FGFR3: variants seen among roughly 807,000 people sequenced by gnomAD.
FGFR3 encodes FGFR-3.
A neutral mutation model predicts 82.9 loss-of-function variants in FGFR3; 25 were observed. The ratio of observed to expected loss-of-function variants is 0.30; its 90% CI spans 0.22 to 0.42. FGFR3 has a LOEUF of 0.42. Among genes scored for constraint, FGFR3 ranks in the 10% least tolerant of loss-of-function variants. The pLI, the probability that FGFR3 is intolerant of heterozygous loss-of-function variation, is 1.00. For missense variants in FGFR3, 1,026 were observed against 1,161.0 expected, an observed-to-expected ratio of 0.88 and a Z score of 1.69; for synonymous variants, 620 against 516.0, an observed-to-expected ratio of 1.20 and a Z score of -2.73.
Position 1,807,138 on chromosome 4 carries a change from C to T in FGFR3, c.2297C>T (p.Pro766Leu), listed in dbSNP as rs763774428. Residue 766 changes from proline (P) to leucine (L), a missense_variant, in exon 18 of 18, where the codon CCT (proline) becomes CTT (leucine). By Grantham distance (98) the Pro-to-Leu change is moderately conservative. Coordinates refer to ENST00000440486, the MANE Select transcript of FGFR3 (RefSeq NM_000142.5). ...CAGGAGTACCTGGACCTGTCGGCGCCTTTCGAGCAGTACTCCCCGGGTGGC... is the reference window on the plus strand; with the variant it reads ...CAGGAGTACCTGGACCTGTCGGCGCTTTTCGAGCAGTACTCCCCGGGTGGC... ...STDEYLDLSA[P>L]FEQYSPGGQD... is the part of the protein sequence containing the mutation. The T allele has an allele frequency of 3.8e-6, 6 of 1,593,680 alleles. No individual in the cohort carries two copies. The highest frequency in any genetic ancestry group is 3.5e-5 in the Admixed American group (2 of 57,810).
Position 1,805,683 on chromosome 4 carries a change from C to T in FGFR3, c.1645+14C>T, listed in dbSNP as rs752194458. ...GCACGCAGGGCGGTAGGTGCGGTAG[C>T]GGCGGTGGTGCCGGCTGGGCGGCCC... On this transcript the variant is annotated intron_variant, in intron 12 of 17. Coordinates refer to ENST00000440486, the MANE Select transcript of FGFR3 (RefSeq NM_000142.5). 363 of 1,611,530 alleles carry T rather than the reference C, an allele frequency of 2.3e-4. No homozygotes were observed. The highest frequency in any genetic ancestry group is 2.9e-4 in the Non-Finnish European group (343 of 1,178,988).
In FGFR3 at chr4:1,804,833, G is replaced by C; in HGVS notation, c.1276G>C (p.Glu426Gln). 6.5e-7 allele frequency: 1 copy of C among 1,549,790 alleles called. No homozygotes were observed. Among genetic ancestry groups the C allele is most frequent in the African/African-American group, 1.4e-5 (1 of 73,140 alleles). ...RFPLKRQVSL[E>Q]SNASMSSNTP... ...CTGCTGACCCAAGCAGGTGTCCCTGGAGTCCAACGCGTCCATGAGCTCCAA... is the reference window on the plus strand; with the variant it reads ...CTGCTGACCCAAGCAGGTGTCCCTGCAGTCCAACGCGTCCATGAGCTCCAA... The change falls in exon 10 of 18, where the codon GAG (glutamate) becomes CAG (glutamine). Residue 426 changes from glutamate to glutamine, a missense_variant. Physicochemically the swap from Glu to Gln is conservative, Grantham distance 29. This residue lies in a region of FGFR3 where 256 missense variants were observed against 217.6 expected (regional missense o/e 1.18). Coordinates refer to ENST00000440486, the MANE Select transcript of FGFR3 (RefSeq NM_000142.5).
intron 2 of FGFR3, 41 bp downstream of exon 2, chr4:1,794,084 GCGGGCAGAGGCGTTGGGGA>G (rs1720171185): frequency 8.3e-7 from 1 of 1,199,492 alleles, no homozygotes; most frequent in African/African-American, 1.6e-5. Flanking sequence ...GCCGGCCCGT[GCGGGCAGAGGCGTTGGGGA>G]CGGGAACCGG....
Position 1,793,916 on chromosome 4 carries a change from C to G in FGFR3, c.-19C>G. 8.4e-7 allele frequency: 1 copy of G among 1,192,290 alleles called. No homozygotes were observed. The highest frequency in any genetic ancestry group is 1.1e-6 in the Non-Finnish European group (1 of 939,674). The allele number at this position is 1,192,290 out of a possible 1,614,324, so 73.9% of individuals were successfully genotyped here. On this transcript the variant is annotated 5_prime_UTR_variant, in exon 2 of 18. Coordinates refer to ENST00000440486, the MANE Select transcript of FGFR3 (RefSeq NM_000142.5). Reference sequence around the variant, plus strand: ...GCCCGCGCGCGCTGCCTGAGGACGCCGCGGCCCCCGCCCCCGCCATGGGCG... The same window carrying G: ...GCCCGCGCGCGCTGCCTGAGGACGCGGCGGCCCCCGCCCCCGCCATGGGCG...
At chr4:1,799,702 C>T (rs754442684) in intron 3 of FGFR3, 45 bp from the exon 4 acceptor site, 1 of 1,609,474 alleles carries the variant, frequency 6.2e-7, no homozygotes, top group Non-Finnish European at 8.5e-7. Context: ...CTGGGGGCCT[C>T]CTGGGGCAGG....
intron 7 of FGFR3, chr4:1,802,818 G>T: frequency 7.0e-7 from 1 of 1,434,916 alleles, no homozygotes; most frequent in East Asian, 2.9e-5. Context: ...ACGCAGCCCA[G>T]CCTCGATCTG....
In FGFR3 at chr4:1,806,995, C is replaced by T. The variant is rs17881417; in HGVS notation, c.2274+61C>T. The T allele has an allele frequency of 2.6e-4, 406 of 1,556,720 alleles. 2 individuals are homozygous for T. In the African/African-American group the frequency reaches 5.0e-3, roughly 19 times the overall value. On this transcript the variant is annotated intron_variant, in intron 17 of 17. Transcript: ENST00000440486. ...TGCCCCTCCCCCTGCCGTCCCCGGC[C>T]ATCCTGCCCCCCAGAGTGCTGAGGT...
Position 1,804,466 on chromosome 4 carries a change from A to C in FGFR3, c.1212A>C (p.Lys404Asn). The change falls in exon 9 of 18, where the codon AAA becomes AAC. Residue 404 changes from lysine to asparagine, a missense_variant. Physicochemically the swap from Lys to Asn is moderately conservative, Grantham distance 94. Transcript: ENST00000440486. ...GCCGCCTGCGCAGCCCCCCCAAGAA[A>C]GGCCTGGGCTCCCCCACCGTGCACA... ...TLCRLRSPPKKGLGSPTVHKI... is the reference protein window; with the variant it reads ...TLCRLRSPPKNGLGSPTVHKI... The C allele has an allele frequency of 6.2e-7, 1 of 1,612,946 alleles. No homozygotes were observed. The highest frequency in any genetic ancestry group is 1.7e-4 in the Middle Eastern group (1 of 6,058).
intron 2 of FGFR3, among the ~76,000 whole-genome samples, chr4:1,798,094 G>T (rs1478281470): frequency 6.6e-6 from 1 of 152,050 alleles, no homozygotes; most frequent in African/African-American, 2.4e-5. Context: ...AAGCCTAGGG[G>T]CGATTGTCCC....
rs761002580 is a variant in FGFR3, at chr4:1,807,611, G to A, written c.*349G>A. 1.3e-5 allele frequency: 9 copies of A among 667,082 alleles called. No individual in the cohort carries two copies. Among genetic ancestry groups the A allele is most frequent in the Non-Finnish European group, 2.3e-5 (8 of 354,198 alleles). 41.3% of individuals were successfully genotyped at this position (667,082 alleles called of 1,614,324 possible). A position where few individuals can be genotyped will look rare whatever the true frequency, so the allele number is the denominator to read the frequency against. ...CCCCGTGGGGCAGGGAGCTGGGCCC[G>A]ACATGGCTCCGGCCTCTGCCTTTGC... is the stretch of plus-strand genomic sequence containing the variant. On this transcript the variant is annotated 3_prime_UTR_variant, in exon 18 of 18. Transcript: ENST00000440486.
chr4:1,803,928 TGA>T, intron 8 of FGFR3, 92 bp downstream of exon 8: 1 of 1,374,140 alleles, frequency 7.3e-7, no homozygotes, highest in South Asian at 1.2e-5. Flanking sequence ...GGGAATCCTG[TGA>T]CTTACGGCCG....
rs1179772074 is a variant in FGFR3, at chr4:1,808,007, G to A, written c.*745G>A. The A allele has an allele frequency of 2.1e-5, 5 of 239,962 alleles. No homozygotes were observed. The highest frequency in any genetic ancestry group is 1.1e-4 in the African/African-American group (5 of 45,304). The allele number at this position is 239,962 out of a possible 1,614,324, so 14.9% of individuals were successfully genotyped here. A position where few individuals can be genotyped will look rare whatever the true frequency, so the allele number is the denominator to read the frequency against. On this transcript the variant is annotated 3_prime_UTR_variant, in exon 18 of 18. Coordinates refer to ENST00000440486, the MANE Select transcript of FGFR3 (RefSeq NM_000142.5). ...CATGGCCCTGGGCGGGGCGTGGGGG[G>A]GCGTGGAGGGAGGCCCCAGGGGGTC... is the stretch of plus-strand genomic sequence containing the variant.
In FGFR3 at chr4:1,807,289, G is replaced by A. The variant is rs1261880089; in HGVS notation, c.*27G>A. ...GGGCCACTGGTCCCCAACAATGTGA[G>A]GGGTCCCTAGCAGCCCACCCTGCTG... On this transcript the variant is annotated 3_prime_UTR_variant, in exon 18 of 18. Coordinates refer to ENST00000440486, the MANE Select transcript of FGFR3 (RefSeq NM_000142.5). 1.3e-6 allele frequency: 2 copies of A among 1,575,698 alleles called. No individual in the cohort carries two copies. Among genetic ancestry groups the A allele is most frequent in the Non-Finnish European group, 8.6e-7 (1 of 1,164,768 alleles).
intron 2 of FGFR3, among the ~76,000 whole-genome samples, chr4:1,794,507 G>C (rs1720233579): frequency 6.6e-6 from 1 of 152,214 alleles, no homozygotes; most frequent in South Asian, 2.1e-4. Flanking sequence ...AGCGAAGCCC[G>C]GCCCCTGCCC....
intron 2 of FGFR3, among the ~76,000 whole-genome samples, chr4:1,798,853 G>A (rs532793660): frequency 7.4e-4 from 112 of 152,292 alleles, no homozygotes; most frequent in Non-Finnish European, 1.3e-3. Context: ...CCTGCCCGTC[G>A]TGGTGCCGCC....
chr4:1,801,834 G>C lies in FGFR3; in HGVS notation c.740-1G>C, dbSNP rs2108783214. The C allele has an allele frequency of 6.2e-7, 1 of 1,605,824 alleles. No homozygotes were observed. The highest frequency in any genetic ancestry group is 2.2e-5 in the East Asian group (1 of 44,676). On this transcript the variant is annotated splice_acceptor_variant, in intron 6 of 17. Transcript: ENST00000440486. LOFTEE classifies it high-confidence loss of function. ...CCCCTGAGCGTCATCTGCCCCCACA[G>C]AGCGCTCCCCGCACCGGCCCATCCT...
rs1721805221 is a variant in FGFR3 at position 1,805,649 on chromosome 4, T to G, written c.1625T>G (p.Leu542Arg). ...IGKHKNIINL[L>R]GACTQGGPLY... ...AAACACAAAAACATCATCAACCTGCTGGGCGCCTGCACGCAGGGCGGTAGG... is the reference window on the plus strand; with the variant it reads ...AAACACAAAAACATCATCAACCTGCGGGGCGCCTGCACGCAGGGCGGTAGG... Residue 542 changes from leucine to arginine, a missense_variant, in exon 12 of 18, where the codon CTG (leucine) becomes CGG (arginine). By Grantham distance (102) the Leu-to-Arg change is moderately radical. Around this residue, in one of 9 missense-constraint regions of FGFR3, gnomAD observed 164 missense variants for 167.5 expected, o/e 0.98. Coordinates refer to ENST00000440486, the MANE Select transcript of FGFR3 (RefSeq NM_000142.5). 2 of 1,613,072 alleles carry G rather than the reference T, an allele frequency of 1.2e-6. No homozygotes were observed. Among genetic ancestry groups the G allele is most frequent in the Non-Finnish European group, 1.7e-6 (2 of 1,179,644 alleles).
In FGFR3 at chr4:1,801,481, C is replaced by A. The variant is rs767900565; in HGVS notation, c.560C>A (p.Ser187Tyr). Residue 187 changes from serine to tyrosine, a missense_variant, in exon 5 of 18, where the codon TCC becomes TAC. Physicochemically the swap from Ser to Tyr is moderately radical, Grantham distance 144. This residue lies in a region of FGFR3 where 147 missense variants were observed against 228.1 expected (regional missense o/e 0.64). Transcript: ENST00000440486. ...PAAGNPTPSISWLKNGREFRG... is the reference protein window; with the variant it reads ...PAAGNPTPSIYWLKNGREFRG... Reference sequence around the variant, plus strand: ...GCTGGCAACCCCACTCCCTCCATCTCCTGGCTGAAGAACGGCAGGGAGTTC... The same window carrying A: ...GCTGGCAACCCCACTCCCTCCATCTACTGGCTGAAGAACGGCAGGGAGTTC... 3.8e-5 allele frequency: 59 copies of A among 1,557,146 alleles called. No individual in the cohort carries two copies. The highest frequency in any genetic ancestry group is 4.4e-5 in the Non-Finnish European group (51 of 1,150,808).
chr4:1,807,489 T>C lies in FGFR3; in HGVS notation c.*227T>C, dbSNP rs778598106. 2.7e-6 allele frequency: 2 copies of C among 735,942 alleles called. No individual in the cohort carries two copies. The highest frequency in any genetic ancestry group is 1.5e-5 in the South Asian group (1 of 67,906). The allele number at this position is 735,942 out of a possible 1,614,324, so 45.6% of individuals were successfully genotyped here. A position where few individuals can be genotyped will look rare whatever the true frequency, so the allele number is the denominator to read the frequency against. On this transcript the variant is annotated 3_prime_UTR_variant, in exon 18 of 18. Transcript: ENST00000440486. ...GCAGAGGTACCCTGGGTGTCCCCGC[T>C]GCTGTGCAACGGTCTCCTGACTGGT... is the stretch of plus-strand genomic sequence containing the variant.
Sources: gnomAD v4.1 joint callset for allele counts (sites outside exome capture counted in the v4.1 genomes callset) on GRCh38, gnomAD v4.1.1 for gene constraint, gnomAD v4.1.1 regional missense constraint, MANE v1.5 for transcripts, NCBI Gene and HGNC (gene_info 2026-07-23, HGNC 2026-07-21) for gene names.